Variants in ABCA10 observed in about 807,000 individuals in gnomAD.
The protein encoded by ABCA10 is ATP-binding cassette sub-family A member 10.
ABCA10 carries 169 observed loss-of-function variants against 187.5 expected under a neutral mutation model. The ratio of observed to expected loss-of-function variants is 0.90; its 90% CI spans 0.80 to 1.02. The LOEUF (loss-of-function observed/expected upper bound fraction) is 1.02. Among genes scored for constraint, ABCA10 ranks in the 50% least tolerant of loss-of-function variants. The probability of loss-of-function intolerance (pLI) is 0.00; values close to 1 mark genes in which losing one functional copy is unlikely to be tolerated. For missense variants in ABCA10, 1,727 were observed against 1,812.4 expected, an observed-to-expected ratio of 0.95 and a Z score of 0.86; for synonymous variants, 574 against 601.8, an observed-to-expected ratio of 0.95 and a Z score of 0.68.
chr17:69,176,777 C>A (rs2074338277), intron 22 of ABCA10, among the ~76,000 whole-genome samples: 1 of 152,122 alleles, frequency 6.6e-6, no homozygotes, highest in Admixed American at 6.6e-5. Context: ...CAATTTAAAA[C>A]TGATAAATTA....
chr17:69,164,294 T>C, intron 26 of ABCA10, 140 bp from the exon 27 acceptor site: 2 of 643,920 alleles, frequency 3.1e-6, no homozygotes, highest in Non-Finnish European at 5.0e-6. Flanking sequence ...AGAGTTGTTT[T>C]CTGATGCTAA....
At chr17:69,189,244 AT>A (rs1249793414) in intron 18 of ABCA10, among the ~76,000 whole-genome samples, 3 of 152,080 alleles carry the variant, frequency 2.0e-5, no homozygotes, top group African/African-American at 7.2e-5. Flanking sequence ...GTGAGATGGT[AT>A]CTCGTGGTTT....
Position 69,155,930 on chromosome 17 carries a change from A to G in ABCA10, c.3456-5T>C. The G allele has an allele frequency of 6.2e-7, 1 of 1,609,250 alleles. No individual in the cohort carries two copies. Among genetic ancestry groups the G allele is most frequent in the Admixed American group, 1.7e-5 (1 of 59,308 alleles). The stretch of plus-strand genomic sequence containing the variant: ...TCTCTACTCCGTGGAGAGATTCTAC[A>G]GAGGAAATAAAATAACATAAAAATG... On this transcript the variant is annotated splice_polypyrimidine_tract_variant and splice_region_variant and intron_variant, in intron 28 of 38. Transcript: ENST00000690296.
intron 1 of ABCA10, among the ~76,000 whole-genome samples, chr17:69,243,540 A>G (rs753927202): frequency 2.0e-5 from 3 of 152,200 alleles, no homozygotes; most frequent in Admixed American, 6.5e-5. Context: ...ACACATTACT[A>G]TATTTATGCA....
Position 69,190,741 on chromosome 17 carries a change from ATGTC to A in ABCA10, c.2012-268_2012-265del, listed in dbSNP as rs1348591253. Among the ~76,000 whole-genome samples, 9 of 151,990 alleles carry A rather than the reference ATGTC, an allele frequency of 5.9e-5. No homozygotes were observed. The South Asian group carries it at 1.5e-3, about 25-fold the overall frequency. ...TGTGTTTGTATAAGCATGTATCTGT[ATGTC>A]TATCTAAAAATTTATTAAGTTATAC... On this transcript the variant is annotated intron_variant, in intron 17 of 38. Coordinates refer to ENST00000690296, the MANE Select transcript of ABCA10 (RefSeq NM_001377321.1).
chr17:69,200,885 G>C (rs1486647385), intron 10 of ABCA10, among the ~76,000 whole-genome samples: 5 of 152,034 alleles, frequency 3.3e-5, no homozygotes, highest in Non-Finnish European at 1.5e-5. Flanking sequence ...GCTAATTTTT[G>C]TATTTTTTGT....
chr17:69,222,614 A>G lies in ABCA10; in HGVS notation c.118T>C (p.Phe40Leu), dbSNP rs1478286621. Reference sequence around the variant, plus strand: ...AGGCGATATGAGAAAGTATCACTAAATATAACTCCCACCATTTCATGGTAT... The same window carrying G: ...AGGCGATATGAGAAAGTATCACTAAGTATAACTCCCACCATTTCATGGTAT... ...KKYHEMVGVI[F>L]SDTFSYRLKF... is the part of the protein sequence containing the mutation. Residue 40 changes from phenylalanine (F) to leucine (L), a missense_variant, in exon 4 of 39, where the codon TTT becomes CTT. Transcript: ENST00000690296. The G allele has an allele frequency of 3.7e-6, 6 of 1,603,774 alleles. No homozygotes were observed. Among genetic ancestry groups the G allele is most frequent in the Admixed American group, 3.5e-5 (2 of 56,592 alleles).
chr17:69,155,991 C>A (rs917602770), intron 28 of ABCA10, 66 bp from the exon 29 acceptor site: 3 of 1,479,424 alleles, frequency 2.0e-6, no homozygotes, highest in Non-Finnish European at 2.7e-6. Flanking sequence ...AAAATGTAAA[C>A]CCCTATAATT....
chr17:69,201,888 G>A (rs756877374), intron 9 of ABCA10, among the ~76,000 whole-genome samples: 5 of 152,010 alleles, frequency 3.3e-5, no homozygotes, highest in Non-Finnish European at 5.9e-5. Flanking sequence ...AGGTTCAAGC[G>A]ATCTCTCCTG....
chr17:69,201,852 C>A (rs1180065616), intron 9 of ABCA10, among the ~76,000 whole-genome samples, 184 bp from the exon 10 acceptor site: 1 of 152,042 alleles, frequency 6.6e-6, no homozygotes, highest in Non-Finnish European at 1.5e-5. Flanking sequence ...TGGCACGATC[C>A]TGGCTCACCG....
intron 22 of ABCA10, among the ~76,000 whole-genome samples, chr17:69,178,000 T>A (rs1463374112): frequency 7.2e-6 from 1 of 138,790 alleles, no homozygotes; most frequent in African/African-American, 2.6e-5. Flanking sequence ...ATGTTATATA[T>A]ATATATAGTG....
intron 9 of ABCA10, among the ~76,000 whole-genome samples, chr17:69,203,637 C>A (rs2074565742): frequency 6.6e-6 from 1 of 152,204 alleles, no homozygotes; most frequent in African/African-American, 2.4e-5. Flanking sequence ...GCCCATTCTT[C>A]ATGCAGCTGC....
intron 10 of ABCA10, among the ~76,000 whole-genome samples, chr17:69,198,912 C>T (rs2074524347): frequency 2.0e-5 from 3 of 152,222 alleles, no homozygotes; most frequent in African/African-American, 7.2e-5. Context: ...TGATTCCCCA[C>T]ACTATACAGG....
At position 69,152,184 on chromosome 17, in the gene ABCA10, C is replaced by A; in HGVS notation, c.4257-1G>T. ...CAGATGTTGAATGGAACCAATACACCTAGTTCAGGGGAAATAAAGAAAAAA... is the reference window on the plus strand; with the variant it reads ...CAGATGTTGAATGGAACCAATACACATAGTTCAGGGGAAATAAAGAAAAAA... On this transcript the variant is annotated splice_acceptor_variant, in intron 35 of 38. Transcript: ENST00000690296. LOFTEE classifies it high-confidence loss of function. 3 of 1,603,976 alleles carry A rather than the reference C, an allele frequency of 1.9e-6. No homozygotes were observed. Among genetic ancestry groups the A allele is most frequent in the Non-Finnish European group, 2.5e-6 (3 of 1,177,564 alleles).
intron 25 of ABCA10, among the ~76,000 whole-genome samples, chr17:69,165,319 G>A (rs2074247430): frequency 1.3e-5 from 2 of 151,850 alleles, no homozygotes; most frequent in African/African-American, 4.8e-5. Flanking sequence ...TACCCAGTAG[G>A]GATAAACAGC....
chr17:69,187,534 T>TG, intron 19 of ABCA10, 147 bp downstream of exon 19: 1 of 839,156 alleles, frequency 1.2e-6, no homozygotes, highest in Non-Finnish European at 1.7e-6. Flanking sequence ...CATGAGGCAG[T>TG]CAGGCCCTTT....
chr17:69,209,126 T>C (rs1331515433), intron 9 of ABCA10, among the ~76,000 whole-genome samples: 2 of 152,220 alleles, frequency 1.3e-5, no homozygotes, highest in Non-Finnish European at 2.9e-5. Context: ...CATACAGAAG[T>C]AGACAAGGTT....
intron 1 of ABCA10, among the ~76,000 whole-genome samples, chr17:69,236,176 T>C (rs1438264079): frequency 1.3e-5 from 2 of 152,244 alleles, no homozygotes; most frequent in African/African-American, 2.4e-5. Flanking sequence ...AGCAAAGCTA[T>C]TCAAACTTGT....
chr17:69,206,681 TC>T (rs2074594070), intron 9 of ABCA10, among the ~76,000 whole-genome samples: 1 of 152,248 alleles, frequency 6.6e-6, no homozygotes, highest in Non-Finnish European at 1.5e-5. Flanking sequence ...TTGCAAAGCT[TC>T]AACTTATGAT....
Sources: gnomAD v4.1 joint callset for allele counts (sites outside exome capture counted in the v4.1 genomes callset) on GRCh38, gnomAD v4.1.1 for gene constraint, MANE v1.5 for transcripts, NCBI Gene and HGNC (gene_info 2026-07-23, HGNC 2026-07-21) for gene names.